DBF4: variants seen among roughly 807,000 people sequenced by gnomAD.
The protein encoded by DBF4 is protein DBF4 homolog A.
DBF4 carries 25 observed loss-of-function variants against 76.6 expected under a neutral mutation model. The observed-to-expected ratio is 0.33, with a 90% CI of 0.24 to 0.46. The LOEUF (loss-of-function observed/expected upper bound fraction) is 0.46. DBF4 is among the 20% of genes least tolerant of loss of function. The pLI, the probability that DBF4 is intolerant of heterozygous loss-of-function variation, is 1.00. For missense variants in DBF4, 638 were observed against 760.8 expected, an observed-to-expected ratio of 0.84 and a Z score of 1.90; for synonymous variants, 213 against 258.0, an observed-to-expected ratio of 0.83 and a Z score of 1.67.
At position 87,908,960 on chromosome 7, in the gene DBF4, T is replaced by C. The variant is rs1400635521; in HGVS notation, c.*797T>C. On this transcript the variant is annotated 3_prime_UTR_variant, in exon 12 of 12. Transcript: ENST00000265728. ...TGGGCATGGCGGCATGCGCCTGTAG[T>C]CCCAGCTACTCCCTCCAGAGGCTGA... 1 of 152,114 alleles carries C rather than the reference T, an allele frequency of 6.6e-6. No homozygotes were observed. Among genetic ancestry groups the C allele is most frequent in the East Asian group, 1.9e-4 (1 of 5,174 alleles). The allele number at this position is 152,114 out of a possible 1,614,324, so 9.4% of individuals were successfully genotyped here.
intron 1 of DBF4, among the ~76,000 whole-genome samples, chr7:87,877,045 G>A (rs1440767574): frequency 6.6e-6 from 1 of 152,202 alleles, no homozygotes; most frequent in Non-Finnish European, 1.5e-5. Flanking sequence ...CAAACAATGT[G>A]CAGATCCGGG....
intron 11 of DBF4, among the ~76,000 whole-genome samples, chr7:87,904,742 AAAAT>A (rs1185799342): frequency 1.3e-5 from 2 of 152,130 alleles, no homozygotes; most frequent in African/African-American, 2.4e-5. Context: ...CTCCGTCTCA[AAAAT>A]AAATAAATAA....
chr7:87,893,158 G>A (rs920607050), intron 6 of DBF4, among the ~76,000 whole-genome samples: 1 of 151,070 alleles, frequency 6.6e-6, no homozygotes, highest in African/African-American at 2.4e-5. Context: ...TTGTGGATTT[G>A]TCTAGTTTTC....
intron 8 of DBF4, among the ~76,000 whole-genome samples, chr7:87,899,855 A>G (rs1035424213): frequency 2.0e-5 from 3 of 152,238 alleles, no homozygotes; most frequent in Admixed American, 1.3e-4. Context: ...GGGGATATGG[A>G]GAAAGGATAT....
At position 87,876,751 on chromosome 7, in the gene DBF4, A is replaced by G. The variant is rs1461817431; in HGVS notation, c.19A>G (p.Arg7Gly). The G allele has an allele frequency of 3.1e-6, 5 of 1,614,162 alleles. No homozygotes were observed. Among genetic ancestry groups the G allele is most frequent in the Middle Eastern group, 3.3e-4 (2 of 6,062 alleles). Residue 7 changes from arginine (R) to glycine (G), a missense_variant, in exon 1 of 12, where the codon AGG becomes GGG. Arg to Gly is a moderately radical substitution (Grantham distance 125). Coordinates refer to ENST00000265728, the MANE Select transcript of DBF4 (RefSeq NM_006716.4). ...GACTGCCATGAACTCCGGAGCCATG[A>G]GGATCCACAGTAAAGGACATTTCCA... is the stretch of plus-strand genomic sequence containing the variant. MNSGAMRIHSKGHFQGG... is the reference protein window; with the variant it reads MNSGAMGIHSKGHFQGG...
chr7:87,878,513 C>G, intron 2 of DBF4: 2 of 244,994 alleles, frequency 8.2e-6, no homozygotes, highest in Non-Finnish European at 1.5e-5. Flanking sequence ...TTGGAATGTC[C>G]TCCAGATAAC....
Position 87,887,343 on chromosome 7 carries a change from A to G in DBF4, c.465A>G (p.Ser155=). Residue 155 remains serine, a synonymous_variant, in exon 5 of 12, where the codon TCA becomes TCG. Coordinates refer to ENST00000265728, the MANE Select transcript of DBF4 (RefSeq NM_006716.4). ...TTTTTTTACAGGATTTTATTCCTTCAAATAGTATATTATCAAATGCCTTGT... is the reference window on the plus strand; with the variant it reads ...TTTTTTTACAGGATTTTATTCCTTCGAATAGTATATTATCAAATGCCTTGT... ...KAIKDHDFIP[S]NSILSNALSW... is the part of the protein sequence containing the mutation. 6.5e-7 allele frequency: 1 copy of G among 1,548,846 alleles called. No homozygotes were observed. The highest frequency in any genetic ancestry group is 8.8e-7 in the Non-Finnish European group (1 of 1,133,198).
At chr7:87,876,841 T>G (rs1213973187) in intron 1 of DBF4, 63 bp downstream of exon 1, 4 of 1,580,276 alleles carry the variant, frequency 2.5e-6, no homozygotes, top group African/African-American at 1.3e-5. Flanking sequence ...GGTTCCACCA[T>G]TGATTCTTCA....
At chr7:87,892,059 G>A (rs918984626) in intron 6 of DBF4, among the ~76,000 whole-genome samples, 12 of 152,152 alleles carry the variant, frequency 7.9e-5, no homozygotes, top group African/African-American at 2.9e-4. Context: ...CACCAGAGTG[G>A]TACATTTGTT....
intron 2 of DBF4, chr7:87,878,457 A>C: frequency 5.1e-6 from 2 of 390,136 alleles, no homozygotes; most frequent in South Asian, 5.4e-5. Context: ...AGAGTGTAAG[A>C]CTCCCCTGTC....
chr7:87,885,177 C>T lies in DBF4; in HGVS notation c.399+19C>T, dbSNP rs867675356. The T allele has an allele frequency of 1.9e-5, 30 of 1,570,662 alleles. 3 individuals are homozygous for T. The Middle Eastern group carries it at 4.6e-3, about 241-fold the overall frequency. On this transcript the variant is annotated intron_variant, in intron 3 of 11. Coordinates refer to ENST00000265728, the MANE Select transcript of DBF4 (RefSeq NM_006716.4). Reference sequence around the variant, plus strand: ...AGACACAGTAAGTCTCTTAAATATGCTTTGAGACTCAGAAGGGCTATATCC... The same window carrying T: ...AGACACAGTAAGTCTCTTAAATATGTTTTGAGACTCAGAAGGGCTATATCC...
chr7:87,883,441 A>G (rs542615521), intron 2 of DBF4, among the ~76,000 whole-genome samples: 3 of 152,310 alleles, frequency 2.0e-5, no homozygotes, highest in East Asian at 3.9e-4. Context: ...TTATCACAAT[A>G]AAAGTGTATA....
intron 8 of DBF4, among the ~76,000 whole-genome samples, chr7:87,899,559 A>G (rs552251763): frequency 2.0e-4 from 30 of 152,366 alleles, no homozygotes; most frequent in African/African-American, 7.0e-4. Flanking sequence ...ACAGTGAGAT[A>G]CCACTTTACA....
At chr7:87,886,535 CAAAAAAA>C (rs11411808) in intron 3 of DBF4, among the ~76,000 whole-genome samples, 5 of 54,254 alleles carry the variant, frequency 9.2e-5, no homozygotes, top group South Asian at 2.0e-3. Context: ...ACTTTGTCTC[CAAAAAAA>C]AAAAAAAAAA....
intron 2 of DBF4, chr7:87,878,637 G>T (rs558858091): frequency 1.3e-5 from 2 of 156,204 alleles, no homozygotes; most frequent in East Asian, 1.9e-4. Context: ...AATTGTTCCT[G>T]AGTGATACAG....
chr7:87,891,213 T>A (rs140656896), intron 6 of DBF4, among the ~76,000 whole-genome samples: 57 of 151,706 alleles, frequency 3.8e-4, no homozygotes, highest in African/African-American at 1.4e-3. Context: ...ACTTATTTTG[T>A]CGAATTTTTT....
intron 6 of DBF4, among the ~76,000 whole-genome samples, chr7:87,889,668 C>T (rs541774400): frequency 3.3e-5 from 5 of 152,186 alleles, no homozygotes; most frequent in Admixed American, 1.3e-4. Flanking sequence ...ATGCATTTCT[C>T]GTTTTTAATA....
intron 6 of DBF4, among the ~76,000 whole-genome samples, chr7:87,891,975 G>T (rs1199115117): frequency 6.6e-6 from 1 of 152,076 alleles, no homozygotes; most frequent in African/African-American, 2.4e-5. Context: ...TTTTTTTAGA[G>T]AAGTTTTTGG....
intron 2 of DBF4, among the ~76,000 whole-genome samples, chr7:87,879,076 G>A (rs943245612): frequency 6.6e-6 from 1 of 152,134 alleles, no homozygotes; most frequent in Non-Finnish European, 1.5e-5. Context: ...TGTCTCCTGA[G>A]TAGCTACGAT....
Sources: gnomAD v4.1 joint callset for allele counts (sites outside exome capture counted in the v4.1 genomes callset) on GRCh38, gnomAD v4.1.1 for gene constraint, MANE v1.5 for transcripts, NCBI Gene and HGNC (gene_info 2026-07-23, HGNC 2026-07-21) for gene names.